Variants in ERI3 observed in about 807,000 individuals in gnomAD.
The protein encoded by ERI3 is ERI1 exoribonuclease family member 3.
ERI3 carries 18 observed loss-of-function variants against 44.4 expected under a neutral mutation model. That is an observed-to-expected ratio of 0.41 (90% CI 0.28 to 0.60). ERI3 has a LOEUF of 0.60. ERI3 is among the 20% of genes least tolerant of loss of function. ERI3 has a pLI of 0.36. For synonymous variants in ERI3, 183 were observed against 164.8 expected (o/e 1.11, Z -0.84); for missense variants, 294 against 435.5 (o/e 0.68, Z 2.89).
chr1:44,282,890 C>G (rs1014406659), intron 7 of ERI3, among the ~76,000 whole-genome samples: 5 of 152,164 alleles, frequency 3.3e-5, no homozygotes, highest in African/African-American at 4.8e-5. Context: ...TGAACAGACT[C>G]TGGGCAGCCT....
chr1:44,344,989 C>G (rs1315655553), intron 2 of ERI3, among the ~76,000 whole-genome samples: 1 of 152,144 alleles, frequency 6.6e-6, no homozygotes, highest in Non-Finnish European at 1.5e-5. Flanking sequence ...AGTATTTACA[C>G]AACAGACACC....
chr1:44,265,548 G>C (rs1250897113), intron 7 of ERI3, among the ~76,000 whole-genome samples: 1 of 152,098 alleles, frequency 6.6e-6, no homozygotes, highest in Non-Finnish European at 1.5e-5. Context: ...AGACAGACAA[G>C]TGTTCTTTTA....
intron 6 of ERI3, among the ~76,000 whole-genome samples, chr1:44,307,239 C>G (rs1645856149): frequency 6.6e-6 from 1 of 152,100 alleles, no homozygotes; most frequent in Non-Finnish European, 1.5e-5. Context: ...GGTCCAATAG[C>G]AGGCTTGACA....
intron 1 of ERI3, 158 bp from the exon 2 acceptor site, chr1:44,353,083 G>C (rs1646929154): frequency 5.1e-6 from 5 of 985,382 alleles, no homozygotes; most frequent in Non-Finnish European, 6.0e-6. Flanking sequence ...GAAACTATTA[G>C]TACTACATTT....
At chr1:44,240,803 A>AT (rs1181278419) in intron 8 of ERI3, among the ~76,000 whole-genome samples, 1 of 152,120 alleles carries the variant, frequency 6.6e-6, no homozygotes, top group Non-Finnish European at 1.5e-5. Flanking sequence ...AGTGTCCAGG[A>AT]TGGGAGGAGC....
intron 1 of ERI3, chr1:44,354,055 G>C: frequency 6.1e-6 from 6 of 985,410 alleles, no homozygotes; most frequent in Non-Finnish European, 7.2e-6. Flanking sequence ...AACAAGGCAT[G>C]CTGTATATGA....
chr1:44,275,935 G>A (rs548637978), intron 7 of ERI3, among the ~76,000 whole-genome samples: 1 of 152,312 alleles, frequency 6.6e-6, no homozygotes, highest in South Asian at 2.1e-4. Context: ...TTTGGCTCAT[G>A]ATTCTGATGC....
intron 2 of ERI3, among the ~76,000 whole-genome samples, chr1:44,342,826 T>TATATATATATATATATATATAA (rs1646688512): frequency 5.8e-5 from 1 of 17,292 alleles, no homozygotes; most frequent in African/African-American, 2.6e-4. Flanking sequence ...TATATATATA[T>TATATATATATATATATATATAA]ATATATATAT....
chr1:44,249,578 G>A (rs1474205180), intron 7 of ERI3, among the ~76,000 whole-genome samples: 6 of 152,160 alleles, frequency 3.9e-5, no homozygotes, highest in African/African-American at 1.2e-4. Flanking sequence ...CTCCTTGACC[G>A]CAGAGGTACC....
intron 4 of ERI3, among the ~76,000 whole-genome samples, chr1:44,313,474 C>T (rs1355300779): frequency 6.6e-6 from 1 of 152,184 alleles, no homozygotes; most frequent in African/African-American, 2.4e-5. Context: ...GACCACAAGG[C>T]GTGTTCTCAC....
chr1:44,277,375 AAC>A (rs1357768711), intron 7 of ERI3, among the ~76,000 whole-genome samples: 1 of 152,104 alleles, frequency 6.6e-6, no homozygotes, highest in Non-Finnish European at 1.5e-5. Context: ...CCTACAGAAA[AAC>A]ACATGCCTTC....
At chr1:44,316,477 G>C (rs1349861989) in intron 4 of ERI3, among the ~76,000 whole-genome samples, 1 of 152,206 alleles carries the variant, frequency 6.6e-6, no homozygotes, top group Admixed American at 6.5e-5. Context: ...CCAGGAATGA[G>C]CTGGCTTCAT....
intron 3 of ERI3, among the ~76,000 whole-genome samples, chr1:44,336,030 A>G (rs1646529709): frequency 6.6e-6 from 1 of 152,194 alleles, no homozygotes; most frequent in Non-Finnish European, 1.5e-5. Context: ...TCCTCACATG[A>G]TGAATTTATT....
chr1:44,231,007 T>G (rs546850123), intron 8 of ERI3, among the ~76,000 whole-genome samples: 4 of 152,250 alleles, frequency 2.6e-5, no homozygotes, highest in Non-Finnish European at 5.9e-5. Flanking sequence ...TGTGCAATAT[T>G]TGCATATACA....
rs571999157 is a variant in ERI3, at chr1:44,312,026, C to T, written c.666+1143G>A. ...ACTGGTCACAGCCTAGGTTCCCACA[C>T]TCCCAGGGACAGGAAATACACTCTG... On this transcript the variant is annotated intron_variant, in intron 5 of 8. Coordinates refer to ENST00000372257, the MANE Select transcript of ERI3 (RefSeq NM_024066.3). Among the ~76,000 whole-genome samples the T allele has an allele frequency of 9.8e-5, 15 of 152,286 alleles. 2 individuals are homozygous for T. Among genetic ancestry groups the T allele is most frequent in the African/African-American group, 3.6e-4 (15 of 41,558 alleles).
intron 7 of ERI3, among the ~76,000 whole-genome samples, chr1:44,259,912 T>TAGACAGACAGAC (rs1420877757): frequency 4.9e-5 from 7 of 142,252 alleles, no homozygotes; most frequent in African/African-American, 2.0e-4. Flanking sequence ...GATAGATAGA[T>TAGACAGACAGAC]AGATAGATAG....
At chr1:44,295,316 T>A (rs1337110797) in intron 6 of ERI3, among the ~76,000 whole-genome samples, 1 of 152,200 alleles carries the variant, frequency 6.6e-6, no homozygotes, top group Non-Finnish European at 1.5e-5. Flanking sequence ...ATACTACCAT[T>A]CCATCTCTCT....
At chr1:44,293,445 G>A (rs950507870) in intron 6 of ERI3, among the ~76,000 whole-genome samples, 1 of 152,152 alleles carries the variant, frequency 6.6e-6, no homozygotes, top group Non-Finnish European at 1.5e-5. Flanking sequence ...GTGCCTTCCT[G>A]GCCAGACTTA....
rs74449269 is a variant in ERI3 at position 44,236,907 on chromosome 1, G to A, written c.931+11032C>T. ...CTACCTCTGCCAACTTGAGCAACTG[G>A]TGATTTCTTGATCTTGTGCTTGTGG... On this transcript the variant is annotated intron_variant, in intron 8 of 8. Coordinates refer to ENST00000372257, the MANE Select transcript of ERI3 (RefSeq NM_024066.3). 6.9e-3 allele frequency among the ~76,000 whole-genome samples: 1,044 copies of A among 152,300 alleles called. 26 individuals are homozygous for A. In the East Asian group the frequency reaches 0.079, roughly 12 times the overall value.
Sources: gnomAD v4.1 joint callset for allele counts (sites outside exome capture counted in the v4.1 genomes callset) on GRCh38, gnomAD v4.1.1 for gene constraint, MANE v1.5 for transcripts, NCBI Gene and HGNC (gene_info 2026-07-23, HGNC 2026-07-21) for gene names.